The following ACOXL variants were observed in gnomAD, a reference collection of about 807,000 sequenced individuals.
The protein encoded by ACOXL is acyl-coenzyme A oxidase-like protein.
ACOXL carries 70 observed loss-of-function variants against 71.9 expected under a neutral mutation model. The ratio of observed to expected loss-of-function variants is 0.97; its 90% CI spans 0.80 to 1.19. The LOEUF (loss-of-function observed/expected upper bound fraction) is 1.19. Among genes scored for constraint, ACOXL ranks in the 50% most tolerant of loss-of-function variants. ACOXL has a pLI of 0.00. For missense variants in ACOXL, 703 were observed against 736.3 expected, an observed-to-expected ratio of 0.95 and a Z score of 0.52; for synonymous variants, 253 against 281.6, an observed-to-expected ratio of 0.90 and a Z score of 1.02.
intron 10 of ACOXL, among the ~76,000 whole-genome samples, chr2:110,866,900 G>A (rs1694669593): frequency 6.6e-6 from 1 of 152,188 alleles, no homozygotes. Flanking sequence ...CTCCTGTCTG[G>A]TCTGGTCAGG....
At chr2:110,815,075 T>TA (rs1687764681) in intron 9 of ACOXL, among the ~76,000 whole-genome samples, 1 of 152,174 alleles carries the variant, frequency 6.6e-6, no homozygotes, top group African/African-American at 2.4e-5. Context: ...TCAGAAAACT[T>TA]ACAATCATGG....
intron 10 of ACOXL, among the ~76,000 whole-genome samples, chr2:110,843,385 AG>A (rs1460714295): frequency 6.6e-6 from 1 of 152,226 alleles, no homozygotes; most frequent in Admixed American, 6.5e-5. Context: ...TGAAAGTGGC[AG>A]GGAAGCCCAG....
chr2:111,117,778 G>A lies in ACOXL; in HGVS notation c.1705G>A (p.Ala569Thr), dbSNP rs1203155864. ...GCTGCAGCCGCGGCCACGGGAAGAGGCGCGCTCCCGGCGGCCCAAGCTGGG... is the reference window on the plus strand; with the variant it reads ...GCTGCAGCCGCGGCCACGGGAAGAGACGCGCTCCCGGCGGCCCAAGCTGGG... ...APLQPRPREE[A>T]RSRRPKLGAK... The change falls in exon 18 of 18, where the codon GCG (alanine) becomes ACG (threonine). Residue 569 changes from alanine (A) to threonine (T), a missense_variant. Transcript: ENST00000439055. 6.4e-7 allele frequency: 1 copy of A among 1,550,914 alleles called. No homozygotes were observed. Among genetic ancestry groups the A allele is most frequent in the South Asian group, 1.2e-5 (1 of 84,028 alleles).
intron 12 of ACOXL, among the ~76,000 whole-genome samples, chr2:110,961,008 G>C (rs2061682205): frequency 6.6e-6 from 1 of 152,210 alleles, no homozygotes; most frequent in Non-Finnish European, 1.5e-5. Context: ...CCCAAGGATT[G>C]AGACTCCTGT....
intron 9 of ACOXL, among the ~76,000 whole-genome samples, chr2:110,834,328 G>A (rs1022161882): frequency 3.9e-5 from 6 of 152,216 alleles, no homozygotes; most frequent in African/African-American, 1.4e-4. Flanking sequence ...AGGGACTTCA[G>A]CTTTCTAGGA....
intron 14 of ACOXL, among the ~76,000 whole-genome samples, chr2:111,003,577 A>AAAAAAAAAAAAAAAAAAC (rs1467323433): frequency 6.8e-6 from 1 of 147,448 alleles, no homozygotes; most frequent in African/African-American, 2.5e-5. Flanking sequence ...AAAAAAAAAA[A>AAAAAAAAAAAAAAAAAAC]AAGAATCACA....
chr2:110,875,030 C>T (rs1169231579), intron 10 of ACOXL, among the ~76,000 whole-genome samples: 1 of 152,134 alleles, frequency 6.6e-6, no homozygotes, highest in Non-Finnish European at 1.5e-5. Flanking sequence ...GCTCTAAACC[C>T]AAGCACTGAC....
At chr2:111,020,896 C>G (rs1315636523) in intron 14 of ACOXL, among the ~76,000 whole-genome samples, 2 of 152,230 alleles carry the variant, frequency 1.3e-5, no homozygotes, top group Non-Finnish European at 2.9e-5. Context: ...CTTTCTTACA[C>G]AGCACTTCAG....
rs1196448435 is a variant in ACOXL at position 110,750,792 on chromosome 2, G to A, written c.-22-17576G>A. On this transcript the variant is annotated intron_variant, in intron 1 of 17. Transcript: ENST00000439055. Reference sequence around the variant, plus strand: ...GCTCAGTGCAGCCTTGACCTTCCAGGCTCAAGTGGTCCTCCCACTGCAACC... The same window carrying A: ...GCTCAGTGCAGCCTTGACCTTCCAGACTCAAGTGGTCCTCCCACTGCAACC... Among the ~76,000 whole-genome samples, 7 of 151,678 alleles carry A rather than the reference G, an allele frequency of 4.6e-5. No individual in the cohort carries two copies. In the East Asian group the frequency reaches 1.4e-3, roughly 30 times the overall value.
At chr2:110,776,652 G>C (rs1682689368) in intron 2 of ACOXL, among the ~76,000 whole-genome samples, 1 of 152,172 alleles carries the variant, frequency 6.6e-6, no homozygotes, top group Admixed American at 6.5e-5. Context: ...GTCACCATGT[G>C]GTGTGAGCAG....
chr2:111,036,090 C>T (rs1346981821), intron 15 of ACOXL, among the ~76,000 whole-genome samples: 2 of 152,226 alleles, frequency 1.3e-5, no homozygotes, highest in African/African-American at 2.4e-5. Flanking sequence ...AGGACAAACC[C>T]GACTTGGGGT....
At chr2:111,096,986 C>A (rs1022770414) in intron 17 of ACOXL, among the ~76,000 whole-genome samples, 2 of 152,072 alleles carry the variant, frequency 1.3e-5, no homozygotes, top group African/African-American at 4.8e-5. Context: ...TTAGTGCTGA[C>A]CCTGATTTTT....
chr2:111,080,963 T>G (rs2067881497), intron 16 of ACOXL, among the ~76,000 whole-genome samples: 1 of 152,180 alleles, frequency 6.6e-6, no homozygotes, highest in South Asian at 2.1e-4. Context: ...TTCAATAAAA[T>G]TCAACATCCG....
chr2:110,982,216 C>T (rs1209767647), intron 12 of ACOXL, among the ~76,000 whole-genome samples: 8 of 151,896 alleles, frequency 5.3e-5, no homozygotes, highest in Non-Finnish European at 7.4e-5. Context: ...AGTGCAGTGG[C>T]GCAATCTCAG....
intron 12 of ACOXL, among the ~76,000 whole-genome samples, chr2:110,961,309 G>A (rs3789108): frequency 0.5 from 75,938 of 152,010 alleles, 19,555 homozygotes; most frequent in East Asian, 0.79. Context: ...TAGGAGAGAA[G>A]GGAATTATAT....
At chr2:111,051,702 T>C (rs1323238245) in intron 16 of ACOXL, among the ~76,000 whole-genome samples, 1 of 152,200 alleles carries the variant, frequency 6.6e-6, no homozygotes, top group African/African-American at 2.4e-5. Flanking sequence ...ACTCCTGACC[T>C]CAGGTGATCC....
In ACOXL at chr2:111,117,697, G is replaced by A. The variant is rs1339230675; in HGVS notation, c.1624G>A (p.Ala542Thr). ...TFNIPHTYLHAPIAGISNPRA... is the reference protein window; with the variant it reads ...TFNIPHTYLHTPIAGISNPRA... ...TAACATTCCACACACCTACCTCCACGCACCAATCGCCGGAATCTCCAACCC... is the reference window on the plus strand; with the variant it reads ...TAACATTCCACACACCTACCTCCACACACCAATCGCCGGAATCTCCAACCC... Residue 542 changes from alanine to threonine, a missense_variant, in exon 18 of 18, where the codon GCA becomes ACA. By Grantham distance (58) the Ala-to-Thr change is moderately conservative (BLOSUM62 0). Coordinates refer to ENST00000439055, the MANE Select transcript of ACOXL (RefSeq NM_001142807.4). 1.3e-6 allele frequency: 2 copies of A among 1,551,742 alleles called. No individual in the cohort carries two copies. Among genetic ancestry groups the A allele is most frequent in the Non-Finnish European group, 1.7e-6 (2 of 1,147,008 alleles).
intron 1 of ACOXL, among the ~76,000 whole-genome samples, chr2:110,765,213 C>T (rs1378279578): frequency 6.6e-6 from 1 of 152,130 alleles, no homozygotes; most frequent in Non-Finnish European, 1.5e-5. Flanking sequence ...AAGATTTTTT[C>T]CTCGGCCTTA....
At chr2:110,812,391 G>T (rs1407298925) in intron 9 of ACOXL, among the ~76,000 whole-genome samples, 1 of 152,106 alleles carries the variant, frequency 6.6e-6, no homozygotes, top group Non-Finnish European at 1.5e-5. Context: ...GTGGTTTGTT[G>T]TACAGATTAT....
Sources: allele counts gnomAD v4.1 joint callset (sites outside exome capture counted in the v4.1 genomes callset), GRCh38; gene constraint gnomAD v4.1.1; transcripts MANE v1.5; gene names NCBI Gene and HGNC (gene_info 2026-07-23, HGNC 2026-07-21).